CEP250: variants seen among roughly 807,000 people sequenced by gnomAD.
CEP250 encodes centrosomal protein 250, also known as centrosome-associated protein CEP250.
Under a neutral mutation model 315.7 loss-of-function variants are expected in CEP250, and 242 were observed. The observed-to-expected ratio is 0.77, with a 90% CI of 0.69 to 0.85. The LOEUF (loss-of-function observed/expected upper bound fraction) is 0.85. CEP250 is among the 40% of genes least tolerant of loss of function. The probability of loss-of-function intolerance (pLI) is 0.00; values close to 1 mark genes in which losing one functional copy is unlikely to be tolerated. For missense variants in CEP250, 2,515 were observed against 2,886.4 expected, an observed-to-expected ratio of 0.87 and a Z score of 2.95; for synonymous variants, 1,088 against 1,175.0, an observed-to-expected ratio of 0.93 and a Z score of 1.51.
chr20:35,518,095 C>A lies in CEP250; in HGVS notation c.*6469C>A, dbSNP rs1190673728. The stretch of plus-strand genomic sequence containing the variant: ...ATAAAAAGAAGATAGCAGTTTCCCA[C>A]CTCATTCTTCTCAAACTCCTCTTCA... On this transcript the variant is annotated 3_prime_UTR_variant, in exon 35 of 35. Coordinates refer to ENST00000397527, the MANE Select transcript of CEP250 (RefSeq NM_007186.6). The A allele has an allele frequency of 6.7e-6, 1 of 149,426 alleles. No homozygotes were observed. Among genetic ancestry groups the A allele is most frequent in the Non-Finnish European group, 1.5e-5 (1 of 67,530 alleles). The allele number at this position is 149,426 out of a possible 1,614,324, so 9.3% of individuals were successfully genotyped here. A position where few individuals can be genotyped will look rare whatever the true frequency, so the allele number is the denominator to read the frequency against.
In CEP250 at chr20:35,503,103, G is replaced by T. The variant is rs781717794; in HGVS notation, c.4734G>T (p.Glu1578Asp). Reference sequence around the variant, plus strand: ...AGTGCCAGCAAAAACTGATCAAGGAGCTGGAGGGCCAGAGGGAAACCCAGA... The same window carrying T: ...AGTGCCAGCAAAAACTGATCAAGGATCTGGAGGGCCAGAGGGAAACCCAGA... ...KMECQQKLIK[E>D]LEGQRETQRV... Residue 1578 changes from glutamate to aspartate, a missense_variant, in exon 30 of 35, where the codon GAG (glutamate) becomes GAT (aspartate). By Grantham distance (45) the Glu-to-Asp change is conservative. Transcript: ENST00000397527. This position sits in a 1 kb window ranked among gnomAD's most constrained non-coding sequence, Gnocchi z 4.2. The T allele has an allele frequency of 6.2e-7, 1 of 1,614,178 alleles. No individual in the cohort carries two copies. Among genetic ancestry groups the T allele is most frequent in the Admixed American group, 1.7e-5 (1 of 60,020 alleles).
Position 35,490,666 on chromosome 20 carries a change from G to C in CEP250, c.2616G>C (p.Glu872Asp). The change falls in exon 21 of 35, where the codon GAG (glutamate) becomes GAC (aspartate). Residue 872 changes from glutamate (E) to aspartate (D), a missense_variant. Transcript: ENST00000397527. Reference protein sequence around the residue: ...WEKERSWHQQELAKALESLER... With the variant: ...WEKERSWHQQDLAKALESLER... ...AGGAGCGCTCCTGGCACCAGCAGGA[G>C]CTGGCAAAGGCTCTGGAGAGCTTAG... 1 of 1,613,732 alleles carries C rather than the reference G, an allele frequency of 6.2e-7. No individual in the cohort carries two copies. Among genetic ancestry groups the C allele is most frequent in the Non-Finnish European group, 8.5e-7 (1 of 1,179,934 alleles).
chr20:35,505,953 C>T (rs2064175249), intron 30 of CEP250, among the ~76,000 whole-genome samples: 1 of 152,134 alleles, frequency 6.6e-6, no homozygotes, highest in African/African-American at 2.4e-5. Flanking sequence ...GCTCAGGCTG[C>T]CGTGTGGAGC....
rs534553938 is a variant in CEP250, at chr20:35,517,118, T to A, written c.*5492T>A. 4.5e-6 allele frequency: 3 copies of A among 664,784 alleles called. No individual in the cohort carries two copies. Among genetic ancestry groups the A allele is most frequent in the South Asian group, 6.7e-5 (1 of 14,964 alleles). 41.2% of individuals were successfully genotyped at this position (664,784 alleles called of 1,614,324 possible). On this transcript the variant is annotated 3_prime_UTR_variant, in exon 35 of 35. Transcript: ENST00000397527. ...CTCAACCGTCCGCAGAACACCTCCT[T>A]CCAGCACCTTAGCTCCTGCCTCCCT... is the stretch of plus-strand genomic sequence containing the variant.
Position 35,503,773 on chromosome 20 carries a change from C to T in CEP250, c.5404C>T (p.Gln1802Ter), listed in dbSNP as rs2064093282. The T allele has an allele frequency of 1.2e-6, 2 of 1,613,804 alleles. No individual in the cohort carries two copies. The highest frequency in any genetic ancestry group is 1.7e-5 in the Admixed American group (1 of 60,004). ...AGGGGAGCTGAAGGAGCAGTCACTT[C>T]AGAGTCAACTGGATGAGGCCCAGAG... Reference protein sequence around the residue: ...EQGELKEQSLQSQLDEAQRAL... With the variant: ...EQGELKEQSL The change falls in exon 30 of 35, where the codon CAG (glutamine) becomes TAG (stop). Residue 1802 changes from glutamine (Q) to a stop codon, truncating the protein, a stop_gained. Transcript: ENST00000397527. LOFTEE classifies it high-confidence loss of function. The surrounding 1 kb of genome is among the most constrained non-coding windows in gnomAD (Gnocchi z 4.2).
chr20:35,502,263 C>T (rs1568829633), intron 29 of CEP250, 127 bp from the exon 30 acceptor site: 1 of 794,168 alleles, frequency 1.3e-6, no homozygotes, highest in East Asian at 2.8e-5. Flanking sequence ...GTGGAATATA[C>T]CACCACTTTT....
chr20:35,475,622 G>A lies in CEP250; in HGVS notation c.1692G>A (p.Thr564=), dbSNP rs1447021910. The change falls in exon 15 of 35, where the codon ACG becomes ACA. Residue 564 remains threonine, a synonymous_variant. Transcript: ENST00000397527. ...GGGAGTTACTGAGGCAAGAGCAAACGGAAGTGACCGCAGCGCTGGCTAGGG... is the reference window on the plus strand; with the variant it reads ...GGGAGTTACTGAGGCAAGAGCAAACAGAAGTGACCGCAGCGCTGGCTAGGG... The part of the protein sequence containing the change: ...LEGELLRQEQ[T]EVTAALARAE... 9 of 1,613,938 alleles carry A rather than the reference G, an allele frequency of 5.6e-6. No individual in the cohort carries two copies. In the East Asian group the frequency reaches 1.1e-4, roughly 20 times the overall value.
rs752078967 is a variant in CEP250 at position 35,504,471 on chromosome 20, G to T, written c.6102G>T (p.Gln2034His). The T allele has an allele frequency of 3.7e-6, 6 of 1,613,536 alleles. No homozygotes were observed. Among genetic ancestry groups the T allele is most frequent in the Non-Finnish European group, 5.1e-6 (6 of 1,179,756 alleles). ...TCCAGGACCAGGATCTCCGATACCA[G>T]GAGGATGTGCAGCAGCTGCAGCAGG... ...GEIQDQDLRY[Q>H]EDVQQLQQAL... The change falls in exon 30 of 35, where the codon CAG becomes CAT. Residue 2034 changes from glutamine (Q) to histidine (H), a missense_variant. Coordinates refer to ENST00000397527, the MANE Select transcript of CEP250 (RefSeq NM_007186.6).
chr20:35,504,042 C>T lies in CEP250; in HGVS notation c.5673C>T (p.Asp1891=), dbSNP rs1446760596. 6.2e-7 allele frequency: 1 copy of T among 1,606,534 alleles called. No homozygotes were observed. The highest frequency in any genetic ancestry group is 8.5e-7 in the Non-Finnish European group (1 of 1,175,748). Residue 1891 remains aspartate (D), a synonymous_variant, in exon 30 of 35, where the codon GAC becomes GAT. Transcript: ENST00000397527. The part of the protein sequence containing the change: ...RVQALEEVLG[D]LRAESREQEK... Reference sequence around the variant, plus strand: ...AGGCCCTGGAGGAGGTGCTGGGAGACCTAAGGGCTGAGTCTCGGGAACAGG... The same window carrying T: ...AGGCCCTGGAGGAGGTGCTGGGAGATCTAAGGGCTGAGTCTCGGGAACAGG...
chr20:35,501,699 C>T, intron 28 of CEP250, 146 bp from the exon 29 acceptor site: 1 of 889,622 alleles, frequency 1.1e-6, no homozygotes, highest in Non-Finnish European at 1.6e-6. Flanking sequence ...CTTGATATCT[C>T]TAGGACACTG....
chr20:35,472,818 G>C lies in CEP250; in HGVS notation c.1196G>C (p.Arg399Pro). 1.3e-5 allele frequency: 21 copies of C among 1,614,112 alleles called. No homozygotes were observed. Among genetic ancestry groups the C allele is most frequent in the Non-Finnish European group, 1.6e-5 (19 of 1,180,022 alleles). ...TLVRSVLTRR[R>P]QAVQDLRQQL... is the part of the protein sequence containing the mutation. ...GTGCGTTCAGTGCTGACTCGGAGAC[G>C]CCAGGCTGTGCAGGTAGGAACCCTC... is the stretch of plus-strand genomic sequence containing the variant. Residue 399 changes from arginine (R) to proline (P), a missense_variant, in exon 12 of 35, where the codon CGC becomes CCC. Physicochemically the swap from Arg to Pro is moderately radical, Grantham distance 103. Transcript: ENST00000397527.
chr20:35,485,140 A>G (rs1406375481), intron 20 of CEP250, among the ~76,000 whole-genome samples: 1 of 151,794 alleles, frequency 6.6e-6, no homozygotes, highest in Non-Finnish European at 1.5e-5. Flanking sequence ...TGGGAGGCCT[A>G]GGTGGCCGGA....
In CEP250 at chr20:35,479,296, G is replaced by A. The variant is rs889337022; in HGVS notation, c.2160G>A (p.Gln720=). 1.2e-6 allele frequency: 2 copies of A among 1,614,114 alleles called. No homozygotes were observed. Among genetic ancestry groups the A allele is most frequent in the African/African-American group, 2.7e-5 (2 of 74,950 alleles). Reference sequence around the variant, plus strand: ...AGCTACATCAGGAGGCAAAGCGACAGGAAGAAGTGCTTGCCAGGGCAGTCC... The same window carrying A: ...AGCTACATCAGGAGGCAAAGCGACAAGAAGAAGTGCTTGCCAGGGCAGTCC... The part of the protein sequence containing the change: ...LEQLHQEAKR[Q]EEVLARAVQE... The change falls in exon 18 of 35, where the codon CAG becomes CAA. Residue 720 remains glutamine (Q), a synonymous_variant. Transcript: ENST00000397527.
At chr20:35,487,706 G>A (rs4911506) in intron 20 of CEP250, among the ~76,000 whole-genome samples, 18,123 of 152,032 alleles carry the variant, frequency 0.12, 1,315 homozygotes, top group African/African-American at 0.21. Context: ...AGGCCAAGGC[G>A]AAAGGATCGC....
Position 35,497,830 on chromosome 20 carries a change from G to A in CEP250, c.3418G>A (p.Ala1140Thr), listed in dbSNP as rs1354002214. ...TCATATCACGGAGCAGCAGCTGCGA[G>A]CCTCCTTGTGGGCCCAGGAAGCCAA... ...ASHITEQQLRASLWAQEAKAA... is the reference protein window; with the variant it reads ...ASHITEQQLRTSLWAQEAKAA... Residue 1140 changes from alanine to threonine, a missense_variant, in exon 26 of 35, where the codon GCC (alanine) becomes ACC (threonine). By Grantham distance (58) the Ala-to-Thr change is moderately conservative. Transcript: ENST00000397527. 1 of 1,574,522 alleles carries A rather than the reference G, an allele frequency of 6.4e-7. No individual in the cohort carries two copies. The highest frequency in any genetic ancestry group is 8.6e-7 in the Non-Finnish European group (1 of 1,159,710).
chr20:35,502,350 G>A (rs1490418862), intron 29 of CEP250, 40 bp from the exon 30 acceptor site: 2 of 1,516,870 alleles, frequency 1.3e-6, no homozygotes, highest in African/African-American at 2.8e-5. Flanking sequence ...ACAGTAGCAG[G>A]GAAGTGTAGT....
chr20:35,498,564 C>T, intron 26 of CEP250, 31 bp from the exon 27 acceptor site: 1 of 1,601,754 alleles, frequency 6.2e-7, no homozygotes, highest in South Asian at 1.1e-5. Flanking sequence ...ATAGTGGCAG[C>T]CAGGTAAGGA....
rs201729351 is a variant in CEP250, at chr20:35,508,993, G to C, written c.6957G>C (p.Gln2319His). Residue 2319 changes from glutamine to histidine, a missense_variant, in exon 33 of 35, where the codon CAG becomes CAC. Transcript: ENST00000397527. ...AGAGGGAGGCCATGCGTGCGGCCCA[G>C]GCAGGGTCCCTAGAGATCAGCAAGG... The part of the protein sequence containing the change: ...KLKREAMRAA[Q>H]AGSLEISKAT... The C allele has an allele frequency of 1.9e-6, 3 of 1,559,256 alleles. No homozygotes were observed. The highest frequency in any genetic ancestry group is 2.7e-5 in the African/African-American group (2 of 73,728).
At chr20:35,491,446 C>T in intron 22 of CEP250, 100 bp downstream of exon 22, 1 of 1,297,518 alleles carries the variant, frequency 7.7e-7, no homozygotes, top group African/African-American at 1.5e-5. Context: ...AGGCCCTGTG[C>T]TAGGTGCTGA....
Sources: gnomAD v4.1 joint callset for allele counts (sites outside exome capture counted in the v4.1 genomes callset) on GRCh38, gnomAD v4.1.1 for gene constraint, Gnocchi (gnomAD v3.1) non-coding constraint, MANE v1.5 for transcripts, NCBI Gene and HGNC (gene_info 2026-07-23, HGNC 2026-07-21) for gene names.